Variants in CFAP44 observed in about 807,000 individuals in gnomAD.
The protein encoded by CFAP44 is cilia- and flagella-associated protein 44.
CFAP44 carries 134 observed loss-of-function variants against 216.2 expected under a neutral mutation model. That is an observed-to-expected ratio of 0.62 (90% CI 0.54 to 0.72). The LOEUF is 0.72. Among genes scored for constraint, CFAP44 ranks in the 30% least tolerant of loss-of-function variants. The pLI is 0.00. For synonymous variants in CFAP44, 700 were observed against 727.6 expected (o/e 0.96, Z 0.61); for missense variants, 2,035 against 2,182.1 (o/e 0.93, Z 1.34).
At chr3:113,317,659 C>T (rs945696655) in intron 28 of CFAP44, among the ~76,000 whole-genome samples, 1 of 152,224 alleles carries the variant, frequency 6.6e-6, no homozygotes, top group Non-Finnish European at 1.5e-5. Flanking sequence ...AGCTCAAGAG[C>T]ATGGAGCCAA....
At chr3:113,339,735 A>G (rs1056178462) in intron 24 of CFAP44, among the ~76,000 whole-genome samples, 14 of 152,142 alleles carry the variant, frequency 9.2e-5, no homozygotes, top group African/African-American at 3.1e-4. Flanking sequence ...GGCTGTTTGT[A>G]TCTATTTAGA....
chr3:113,413,953 T>G (rs1934568552), intron 6 of CFAP44, among the ~76,000 whole-genome samples: 1 of 152,230 alleles, frequency 6.6e-6, no homozygotes. Flanking sequence ...CTTTGGGCAG[T>G]ATGGCCATTT....
intron 18 of CFAP44, among the ~76,000 whole-genome samples, chr3:113,371,529 G>T (rs1408223160): frequency 6.6e-6 from 1 of 152,178 alleles, no homozygotes; most frequent in African/African-American, 2.4e-5. Flanking sequence ...CTAGCCATAT[G>T]TAGAAAGCTG....
rs1950227504 is a variant in CFAP44, at chr3:113,330,094, A to G, written c.4116+74T>C. On this transcript the variant is annotated intron_variant, in intron 26 of 34. Transcript: ENST00000393845. Reference sequence around the variant, plus strand: ...ATGCAGAGAAATTTTAAATAAATAAACAAAAAACCCGACCCAATTTTTTCC... The same window carrying G: ...ATGCAGAGAAATTTTAAATAAATAAGCAAAAAACCCGACCCAATTTTTTCC... The G allele has an allele frequency of 7.7e-6, 11 of 1,435,304 alleles. No homozygotes were observed. In the South Asian group the frequency reaches 1.2e-4, roughly 16 times the overall value. The allele number at this position is 1,435,304 out of a possible 1,614,324, so 88.9% of individuals were successfully genotyped here. A position where few individuals can be genotyped will look rare whatever the true frequency, so the allele number is the denominator to read the frequency against.
chr3:113,357,624 G>A (rs1437799028), intron 22 of CFAP44, among the ~76,000 whole-genome samples: 1 of 152,120 alleles, frequency 6.6e-6, no homozygotes. Flanking sequence ...CCAGAACTGC[G>A]AGACAGTAAA....
At chr3:113,396,771 G>T in intron 13 of CFAP44, 44 bp from the exon 14 acceptor site, 2 of 1,567,436 alleles carry the variant, frequency 1.3e-6, no homozygotes, top group South Asian at 2.3e-5. Context: ...TAGTTAAATT[G>T]AGAAAGTTGT....
chr3:113,404,653 T>A (rs1171995025), intron 8 of CFAP44, among the ~76,000 whole-genome samples: 1 of 152,200 alleles, frequency 6.6e-6, no homozygotes, highest in Non-Finnish European at 1.5e-5. Flanking sequence ...ATGAACTAGG[T>A]ACATTTATCA....
chr3:113,377,729 T>C (rs1298703986), intron 17 of CFAP44, among the ~76,000 whole-genome samples: 1 of 152,124 alleles, frequency 6.6e-6, no homozygotes, highest in East Asian at 1.9e-4. Flanking sequence ...CTCGGCTCAC[T>C]GCAACCTTCA....
intron 7 of CFAP44, among the ~76,000 whole-genome samples, chr3:113,408,295 G>T (rs1312710477): frequency 9.9e-5 from 15 of 152,160 alleles, no homozygotes; most frequent in Non-Finnish European, 1.5e-5. Flanking sequence ...ATAGACGAGG[G>T]TATGATATAA....
chr3:113,307,920 C>T (rs1422208055), intron 29 of CFAP44, among the ~76,000 whole-genome samples: 1 of 152,176 alleles, frequency 6.6e-6, no homozygotes, highest in African/African-American at 2.4e-5. Flanking sequence ...GTGGAGGTTG[C>T]AGTGAGCCGA....
chr3:113,332,858 G>A (rs527793170), intron 25 of CFAP44, among the ~76,000 whole-genome samples: 10 of 152,198 alleles, frequency 6.6e-5, no homozygotes, highest in South Asian at 2.1e-4. Flanking sequence ...CCATGGCAAC[G>A]AAAAACTACA....
chr3:113,434,777 G>A (rs1935195452), intron 1 of CFAP44: 1 of 152,186 alleles, frequency 6.6e-6, no homozygotes. Context: ...TTCCCCAACT[G>A]TAATGGGAAT....
intron 22 of CFAP44, among the ~76,000 whole-genome samples, chr3:113,349,358 CATT>C (rs1950419548): frequency 6.6e-6 from 1 of 152,156 alleles, no homozygotes; most frequent in Non-Finnish European, 1.5e-5. Flanking sequence ...AATCTGGAGG[CATT>C]ATTAAACCTG....
At chr3:113,352,340 C>G (rs949074781) in intron 22 of CFAP44, among the ~76,000 whole-genome samples, 1 of 152,174 alleles carries the variant, frequency 6.6e-6, no homozygotes, top group South Asian at 2.1e-4. Context: ...GCTGTGGAAG[C>G]TTTGTTCTTT....
rs1402445876 is a variant in CFAP44, at chr3:113,373,435, T to A, written c.2420A>T (p.Asn807Ile). The change falls in exon 18 of 35, where the codon AAT (asparagine) becomes ATT (isoleucine). Residue 807 changes from asparagine (N) to isoleucine (I), a missense_variant. By Grantham distance (149) the Asn-to-Ile change is moderately radical. This residue lies in a region of CFAP44 where 1,883 missense variants were observed against 2,023.7 expected (regional missense o/e 0.93). Coordinates refer to ENST00000393845, the MANE Select transcript of CFAP44 (RefSeq NM_001164496.2). Reference sequence around the variant, plus strand: ...CTTGAAAGTGATAGTTTGGATGGGATTGTCCTCTGTATCCGCAAGATAACG... The same window carrying A: ...CTTGAAAGTGATAGTTTGGATGGGAATGTCCTCTGTATCCGCAAGATAACG... ...DVRYLADTEDNPIQTITFNIN... is the reference protein window; with the variant it reads ...DVRYLADTEDIPIQTITFNIN... 7 of 1,599,174 alleles carry A rather than the reference T, an allele frequency of 4.4e-6. No homozygotes were observed. The African/African-American group carries it at 5.4e-5, about 12-fold the overall frequency.
At chr3:113,350,782 C>G (rs1950437316) in intron 22 of CFAP44, among the ~76,000 whole-genome samples, 1 of 152,178 alleles carries the variant, frequency 6.6e-6, no homozygotes, top group Non-Finnish European at 1.5e-5. Context: ...CTCACCAGGT[C>G]AGAAATATCC....
chr3:113,423,770 T>C (rs1422983574), intron 4 of CFAP44, among the ~76,000 whole-genome samples: 2 of 152,222 alleles, frequency 1.3e-5, no homozygotes, highest in Admixed American at 6.5e-5. Flanking sequence ...CAGAGTTTAA[T>C]TGAGCAAAGA....
intron 28 of CFAP44, among the ~76,000 whole-genome samples, chr3:113,311,411 T>A (rs1249535389): frequency 6.6e-6 from 1 of 152,218 alleles, no homozygotes; most frequent in Non-Finnish European, 1.5e-5. Flanking sequence ...TGGTAGTGAA[T>A]AAGTCTCATG....
chr3:113,346,350 A>G (rs867131899), intron 22 of CFAP44, among the ~76,000 whole-genome samples: 6 of 151,812 alleles, frequency 4.0e-5, no homozygotes, highest in South Asian at 2.1e-4. Flanking sequence ...ACCAATCAGC[A>G]CTCTGTAAAA....
Sources: gnomAD v4.1 joint callset for allele counts (sites outside exome capture counted in the v4.1 genomes callset) on GRCh38, gnomAD v4.1.1 for gene constraint, gnomAD v4.1.1 regional missense constraint, MANE v1.5 for transcripts, NCBI Gene and HGNC (gene_info 2026-07-23, HGNC 2026-07-21) for gene names.